Variants in FAT3 observed in about 807,000 individuals in gnomAD.
FAT3 encodes the protein FAT atypical cadherin 3, also known as protocadherin Fat 3.
Under a neutral mutation model 310.2 loss-of-function variants are expected in FAT3, and 95 were observed. The observed-to-expected ratio is 0.31, with a 90% CI of 0.26 to 0.36. FAT3 has a LOEUF of 0.36. Ranked by LOEUF, FAT3 falls within the 10% of genes least tolerant of loss-of-function variation. FAT3 has a pLI of 1.00. For missense variants in FAT3, 5,408 were observed against 5,715.6 expected, an observed-to-expected ratio of 0.95 and a Z score of 1.74; for synonymous variants, 2,314 against 2,192.9, an observed-to-expected ratio of 1.06 and a Z score of -1.54.
intron 2 of FAT3, among the ~76,000 whole-genome samples, chr11:92,492,445 T>C (rs1252238315): frequency 6.6e-6 from 1 of 152,094 alleles, no homozygotes; most frequent in East Asian, 1.9e-4. Context: ...TTAGCAAGGT[T>C]GTATTCTGTA....
chr11:92,513,121 CAAAA>C lies in FAT3; in HGVS notation c.3293-11500_3293-11497del, dbSNP rs752761388. On this transcript the variant is annotated intron_variant, in intron 2 of 27. Transcript: ENST00000525166. The stretch of plus-strand genomic sequence containing the variant: ...TGGGCGACAGAGCTAGACTCCGTCT[CAAAA>C]AAAAAAAAAAAAGATTATCTCCACC... Among the ~76,000 whole-genome samples the C allele has an allele frequency of 1.3e-4, 4 of 31,214 alleles. 1 individual carries two copies. The highest frequency in any genetic ancestry group is 1.7e-4 in the Non-Finnish European group (3 of 17,974). 20.5% of individuals were successfully genotyped at this position (31,214 alleles called of 152,430 possible).
intron 1 of FAT3, among the ~76,000 whole-genome samples, chr11:92,263,576 T>G (rs1047968643): frequency 5.3e-5 from 8 of 151,992 alleles, no homozygotes; most frequent in Admixed American, 5.3e-4. Context: ...AAAATTTCAT[T>G]TATTCTAAAA....
intron 4 of FAT3, among the ~76,000 whole-genome samples, chr11:92,728,352 T>C (rs1433025133): frequency 6.6e-6 from 1 of 152,130 alleles, no homozygotes; most frequent in Admixed American, 6.5e-5. Context: ...GTATGCCCTG[T>C]GATTAAGATG....
rs150910509 is a variant in FAT3 at position 92,624,264 on chromosome 11, A to G, written c.3608-73120A>G. 3.3e-5 allele frequency among the ~76,000 whole-genome samples: 5 copies of G among 152,324 alleles called. No individual in the cohort carries two copies. The East Asian group carries it at 9.7e-4, about 29-fold the overall frequency. ...TTTGCCGGATGAAGAGCAAGAAGAA[A>G]AACATTCCTTTGCAGAGGTAGGTAC... On this transcript the variant is annotated intron_variant, in intron 3 of 27. Transcript: ENST00000525166.
At chr11:92,402,711 G>C (rs1435316556) in intron 2 of FAT3, among the ~76,000 whole-genome samples, 1 of 150,034 alleles carries the variant, frequency 6.7e-6, no homozygotes, top group Admixed American at 6.7e-5. Flanking sequence ...CAGCATAGGT[G>C]ACAGAGTGAG....
At chr11:92,486,200 A>C in intron 2 of FAT3, among the ~76,000 whole-genome samples, 1 of 116,210 alleles carries the variant, frequency 8.6e-6, no homozygotes, top group South Asian at 2.9e-4. Flanking sequence ...CTCTCAGAAT[A>C]AAACACAGCA....
intron 2 of FAT3, chr11:92,400,490 A>G (rs1490316661): frequency 1.3e-5 from 2 of 152,168 alleles, no homozygotes; most frequent in African/African-American, 4.8e-5. Context: ...TATGAAAGAA[A>G]CCAAAATAAA....
At chr11:92,467,486 A>G (rs552621267) in intron 2 of FAT3, among the ~76,000 whole-genome samples, 1 of 152,308 alleles carries the variant, frequency 6.6e-6, no homozygotes, top group Non-Finnish European at 1.5e-5. Context: ...TACTTTGTGT[A>G]AAGACAGAAA....
At chr11:92,645,416 A>G (rs990758436) in intron 3 of FAT3, among the ~76,000 whole-genome samples, 1 of 152,078 alleles carries the variant, frequency 6.6e-6, no homozygotes, top group Non-Finnish European at 1.5e-5. Context: ...CATTTCTGAA[A>G]AGCTGGGGGT....
At chr11:92,276,101 G>A (rs1250585409) in intron 1 of FAT3, among the ~76,000 whole-genome samples, 2 of 152,140 alleles carry the variant, frequency 1.3e-5, no homozygotes, top group Non-Finnish European at 2.9e-5. Flanking sequence ...CTTTGTGCTT[G>A]AATTTGCATG....
chr11:92,493,496 C>T (rs756958101), intron 2 of FAT3, among the ~76,000 whole-genome samples: 1 of 152,062 alleles, frequency 6.6e-6, no homozygotes, highest in Non-Finnish European at 1.5e-5. Flanking sequence ...GCTTGCTGTG[C>T]TTTGAATACA....
chr11:92,784,508 A>G (rs1946837671), intron 7 of FAT3, among the ~76,000 whole-genome samples: 1 of 152,174 alleles, frequency 6.6e-6, no homozygotes, highest in East Asian at 1.9e-4. Context: ...ATCTACCCAG[A>G]CTTAGCTTAG....
intron 1 of FAT3, among the ~76,000 whole-genome samples, chr11:92,256,684 T>C (rs1020561578): frequency 3.3e-5 from 5 of 152,274 alleles, no homozygotes; most frequent in Non-Finnish European, 5.9e-5. Flanking sequence ...ATGGATTTAC[T>C]CTGGGCCGTA....
At chr11:92,447,201 A>ATATGTG (rs112482737) in intron 2 of FAT3, among the ~76,000 whole-genome samples, 14,161 of 147,052 alleles carry the variant, frequency 0.096, 1,034 homozygotes, top group African/African-American at 0.21. Flanking sequence ...GTGTTCATAT[A>ATATGTG]TATGTGTATG....
intron 2 of FAT3, among the ~76,000 whole-genome samples, chr11:92,388,409 C>T (rs1419134659): frequency 1.3e-5 from 2 of 152,048 alleles, no homozygotes; most frequent in East Asian, 3.9e-4. Context: ...TTTGATAGTG[C>T]TCAACACCTT....
intron 1 of FAT3, among the ~76,000 whole-genome samples, chr11:92,346,811 G>A (rs1209070253): frequency 6.6e-6 from 1 of 152,058 alleles, no homozygotes. Context: ...CTAACATAGT[G>A]TTCTTCCTTT....
intron 1 of FAT3, among the ~76,000 whole-genome samples, chr11:92,237,863 G>A (rs1864494206): frequency 6.6e-6 from 1 of 152,144 alleles, no homozygotes; most frequent in Non-Finnish European, 1.5e-5. Context: ...TACTATCTGA[G>A]ATCCTGAATA....
At chr11:92,865,560 C>T (rs1270661511) in intron 21 of FAT3, among the ~76,000 whole-genome samples, 34 of 152,204 alleles carry the variant, frequency 2.2e-4, no homozygotes. Flanking sequence ...GGGTCATAGA[C>T]ATAGGCCAGA....
intron 16 of FAT3, among the ~76,000 whole-genome samples, chr11:92,837,443 G>T (rs945792484): frequency 6.6e-6 from 1 of 152,172 alleles, no homozygotes. Flanking sequence ...AGAAGTCAGG[G>T]TTGCTGTTAA....
Sources: gnomAD v4.1 joint callset for allele counts (sites outside exome capture counted in the v4.1 genomes callset) on GRCh38, gnomAD v4.1.1 for gene constraint, MANE v1.5 for transcripts, NCBI Gene and HGNC (gene_info 2026-07-23, HGNC 2026-07-21) for gene names.